CCDC171: variants seen among roughly 807,000 people sequenced by gnomAD.
CCDC171 encodes coiled-coil domain-containing protein 171.
A neutral mutation model predicts 168.2 loss-of-function variants in CCDC171; 177 were observed. The ratio of observed to expected loss-of-function variants is 1.05; its 90% CI spans 0.93 to 1.19. The LOEUF is 1.19. CCDC171 is among the 50% of genes most tolerant of loss of function. CCDC171 has a pLI of 0.00. For synonymous variants in CCDC171, 687 were observed against 540.8 expected, an observed-to-expected ratio of 1.27 and a Z score of -3.75; for missense variants, 1,991 against 1,539.0, an observed-to-expected ratio of 1.29 and a Z score of -4.91.
intron 6 of CCDC171, among the ~76,000 whole-genome samples, chr9:16,023,697 A>G (rs2133028204): frequency 6.6e-6 from 1 of 152,276 alleles, no homozygotes. Context: ...CTAATTGCTT[A>G]TTCAACTTTT....
the CCDC171 span, among the ~76,000 whole-genome samples, chr9:16,102,538 C>G: frequency 4.0e-4 from 60 of 151,882 alleles, no homozygotes; most frequent in African/African-American, 1.4e-3. Context: ...CAAATATAAA[C>G]AGGGAAGGTG....
At chr9:15,697,927 T>C (rs1477458296) in intron 11 of CCDC171, among the ~76,000 whole-genome samples, 1 of 152,202 alleles carries the variant, frequency 6.6e-6, no homozygotes, top group Non-Finnish European at 1.5e-5. Flanking sequence ...TTTTGATACA[T>C]GCATGAAATA....
At position 15,809,713 on chromosome 9, in the gene CCDC171, C is replaced by G. The variant is rs181941758; in HGVS notation, c.3267+25019C>G. Among the ~76,000 whole-genome samples the G allele has an allele frequency of 2.0e-5, 3 of 152,274 alleles. No individual in the cohort carries two copies. In the East Asian group the frequency reaches 5.8e-4, roughly 29 times the overall value. ...CTGCAGACCTTCGTGGTGAGTGTTA[C>G]AGCTCATAAAGGCAGTGCGGACCCA... On this transcript the variant is annotated intron_variant, in intron 21 of 25. Coordinates refer to ENST00000380701, the MANE Select transcript of CCDC171 (RefSeq NM_173550.4).
chr9:15,932,838 T>C (rs1435437389), intron 25 of CCDC171, among the ~76,000 whole-genome samples: 1 of 151,996 alleles, frequency 6.6e-6, no homozygotes, highest in Non-Finnish European at 1.5e-5. Context: ...TCATCCTTTT[T>C]CTGTGTCTAT....
At chr9:15,947,805 A>G (rs950532756) in intron 25 of CCDC171, among the ~76,000 whole-genome samples, 1 of 149,992 alleles carries the variant, frequency 6.7e-6, no homozygotes, top group Non-Finnish European at 1.5e-5. Context: ...ATGCTTCCAT[A>G]TTTTTTTTAA....
chr9:15,644,429 C>G (rs1038665306), intron 7 of CCDC171, among the ~76,000 whole-genome samples: 1 of 152,082 alleles, frequency 6.6e-6, no homozygotes, highest in African/African-American at 2.4e-5. Flanking sequence ...GAGCGTGAGC[C>G]TAAGCAGGGT....
chr9:15,790,213 C>G (rs1413570533), intron 21 of CCDC171, among the ~76,000 whole-genome samples: 1 of 152,222 alleles, frequency 6.6e-6, no homozygotes, highest in Non-Finnish European at 1.5e-5. Context: ...TACACTCCCA[C>G]CAATGGTGTA....
intron 16 of CCDC171, among the ~76,000 whole-genome samples, chr9:15,739,413 G>A (rs2054703380): frequency 6.6e-6 from 1 of 152,144 alleles, no homozygotes; most frequent in African/African-American, 2.4e-5. Flanking sequence ...TGGTACCTGA[G>A]GGGAGAACCT....
intron 21 of CCDC171, among the ~76,000 whole-genome samples, chr9:15,837,313 TTTTC>T (rs1287407416): frequency 6.6e-6 from 1 of 152,178 alleles, no homozygotes; most frequent in African/African-American, 2.4e-5. Flanking sequence ...ACAACTATGT[TTTTC>T]TTCAGGTGAA....
intron 11 of CCDC171, among the ~76,000 whole-genome samples, chr9:15,696,151 T>G (rs964790345): frequency 3.3e-5 from 5 of 152,200 alleles, no homozygotes; most frequent in Admixed American, 1.3e-4. Context: ...TCTTAAAAAT[T>G]GAGAAATTTA....
chr9:15,954,763 T>C (rs182387167), intron 25 of CCDC171, among the ~76,000 whole-genome samples: 5 of 152,146 alleles, frequency 3.3e-5, no homozygotes, highest in African/African-American at 4.8e-5. Flanking sequence ...TTTCTTTTTT[T>C]GTTGTTGTTT....
intron 1 of CCDC171, among the ~76,000 whole-genome samples, chr9:16,059,516 T>C (rs984389507): frequency 2.1e-5 from 3 of 140,548 alleles, no homozygotes; most frequent in Non-Finnish European, 3.1e-5. Context: ...TTTTTTTTTT[T>C]TTTTTTTTTG....
intron 6 of CCDC171, among the ~76,000 whole-genome samples, chr9:16,023,079 C>T (rs749086705): frequency 2.0e-5 from 3 of 152,008 alleles, no homozygotes; most frequent in Non-Finnish European, 4.4e-5. Flanking sequence ...CAGGTCAAAG[C>T]ATTTGGGGGT....
chr9:15,635,437 C>T (rs1361997381), intron 7 of CCDC171, among the ~76,000 whole-genome samples: 4 of 152,168 alleles, frequency 2.6e-5, no homozygotes, highest in Non-Finnish European at 5.9e-5. Context: ...AACTTGGAGT[C>T]TGATGTTCCA....
chr9:15,986,007 G>C (rs897142153), intron 3 of CCDC171, among the ~76,000 whole-genome samples: 3 of 152,180 alleles, frequency 2.0e-5, no homozygotes, highest in Admixed American at 6.5e-5. Flanking sequence ...AGGCACAACA[G>C]AACCAAATGA....
At chr9:15,673,595 A>G (rs745604273) in intron 9 of CCDC171, among the ~76,000 whole-genome samples, 3 of 152,162 alleles carry the variant, frequency 2.0e-5, no homozygotes, top group African/African-American at 4.8e-5. Flanking sequence ...TTATGCATCT[A>G]TTGAGATAAT....
intron 10 of CCDC171, 31 bp from the exon 11 acceptor site, chr9:15,695,204 C>A (rs1238590829): frequency 2.1e-6 from 3 of 1,436,818 alleles, no homozygotes; most frequent in Non-Finnish European, 2.9e-6. Flanking sequence ...TAATACGTGA[C>A]CTTATGTGTA....
chr9:15,874,725 G>A, intron 24 of CCDC171, 62 bp downstream of exon 24: 2 of 1,407,006 alleles, frequency 1.4e-6, no homozygotes, highest in Non-Finnish European at 1.9e-6. Flanking sequence ...TGCACTAACT[G>A]GAGAGAATGA....
intron 12 of CCDC171, 72 bp from the exon 13 acceptor site, chr9:15,723,609 C>G (rs1175498629): frequency 6.8e-6 from 7 of 1,031,424 alleles, no homozygotes; most frequent in Non-Finnish European, 8.8e-6. Flanking sequence ...TTTTGAGTTA[C>G]CCATCCTTGA....
Sources: allele counts gnomAD v4.1 joint callset (sites outside exome capture counted in the v4.1 genomes callset), GRCh38; gene constraint gnomAD v4.1.1; transcripts MANE v1.5; gene names NCBI Gene and HGNC (gene_info 2026-07-23, HGNC 2026-07-21).